GNAI3: variants seen among roughly 807,000 people sequenced by gnomAD.
GNAI3 encodes the protein guanine nucleotide-binding protein G(i) subunit alpha-3.
A neutral mutation model predicts 41.8 loss-of-function variants in GNAI3; 12 were observed. That is an observed-to-expected ratio of 0.29 (90% confidence interval 0.18 to 0.47). GNAI3 has a LOEUF of 0.47. Among genes scored for constraint, GNAI3 ranks in the 20% least tolerant of loss-of-function variants. The pLI is 1.00. For synonymous variants in GNAI3, 132 were observed against 146.5 expected (o/e 0.90, Z 0.71); for missense variants, 360 against 429.6 (o/e 0.84, Z 1.43).
intron 3 of GNAI3, among the ~76,000 whole-genome samples, chr1:109,575,760 G>T (rs1648724818): frequency 6.6e-6 from 1 of 151,896 alleles, no homozygotes; most frequent in African/African-American, 2.4e-5. Flanking sequence ...TCGAACTCCT[G>T]ACCTTGTGAT....
At chr1:109,566,345 C>G (rs902734628) in intron 1 of GNAI3, among the ~76,000 whole-genome samples, 1 of 152,132 alleles carries the variant, frequency 6.6e-6, no homozygotes, top group African/African-American at 2.4e-5. Flanking sequence ...CTTCTCCCAC[C>G]AGACCGTAAA....
At chr1:109,556,096 G>A (rs1051343640) in intron 1 of GNAI3, among the ~76,000 whole-genome samples, 1 of 151,308 alleles carries the variant, frequency 6.6e-6, no homozygotes, top group African/African-American at 2.4e-5. Flanking sequence ...GAGTGCAGTG[G>A]TGCAATCTCA....
At position 109,574,029 on chromosome 1, in the gene GNAI3, G is replaced by A. The variant is rs760730490; in HGVS notation, c.295G>A (p.Ala99Thr). ...GRLKIDFGEAARADDARQLFV... is the reference protein window; with the variant it reads ...GRLKIDFGEATRADDARQLFV... ...GCTAAAGATTGACTTTGGGGAAGCT[G>A]CCAGGGCAGTAAGTGTTTCTCATTT... The change falls in exon 3 of 9, where the codon GCC becomes ACC. Residue 99 changes from alanine to threonine, a missense_variant. Physicochemically the swap from Ala to Thr is moderately conservative, Grantham distance 58 (BLOSUM62 0). Transcript: ENST00000369851. 11 of 1,608,516 alleles carry A rather than the reference G, an allele frequency of 6.8e-6. No homozygotes were observed. Among genetic ancestry groups the A allele is most frequent in the Non-Finnish European group, 7.6e-6 (9 of 1,177,712 alleles).
chr1:109,549,281 A>G (rs1647916464), intron 1 of GNAI3, among the ~76,000 whole-genome samples: 2 of 151,784 alleles, frequency 1.3e-5, no homozygotes, highest in South Asian at 2.1e-4. Flanking sequence ...GGATAAAGCT[A>G]GCAGGCTTGA....
chr1:109,573,761 C>T lies in GNAI3; in HGVS notation c.143C>T (p.Thr48Ile), dbSNP rs1648666311. Reference sequence around the variant, plus strand: ...GGTGCTGGAGAATCTGGTAAAAGCACCATTGTGAAACAGATGAAGTAAGTT... The same window carrying T: ...GGTGCTGGAGAATCTGGTAAAAGCATCATTGTGAAACAGATGAAGTAAGTT... ...LLGAGESGKSTIVKQMKIIHE... is the reference protein window; with the variant it reads ...LLGAGESGKSIIVKQMKIIHE... Residue 48 changes from threonine to isoleucine, a missense_variant, in exon 2 of 9, where the codon ACC becomes ATC. Coordinates refer to ENST00000369851, the MANE Select transcript of GNAI3 (RefSeq NM_006496.4). The T allele has an allele frequency of 1.2e-6, 2 of 1,612,172 alleles. No homozygotes were observed. The highest frequency in any genetic ancestry group is 1.7e-6 in the Non-Finnish European group (2 of 1,178,396).
At chr1:109,572,981 C>T (rs1470248344) in intron 1 of GNAI3, among the ~76,000 whole-genome samples, 1 of 152,022 alleles carries the variant, frequency 6.6e-6, no homozygotes, top group African/African-American at 2.4e-5. Context: ...GTAGTTTTTT[C>T]TGATTGCTTT....
At chr1:109,581,769 A>G (rs1054800954) in intron 4 of GNAI3, among the ~76,000 whole-genome samples, 24 of 151,900 alleles carry the variant, frequency 1.6e-4, no homozygotes, top group Admixed American at 1.6e-3. Context: ...GGCACCTGTA[A>G]TCCCAGCTGT....
intron 1 of GNAI3, among the ~76,000 whole-genome samples, chr1:109,549,041 A>G (rs1256981934): frequency 1.3e-5 from 2 of 152,108 alleles, no homozygotes; most frequent in African/African-American, 4.8e-5. Flanking sequence ...TGCGGGAATT[A>G]GGCTGTAGAG....
At chr1:109,570,330 A>T (rs141428454) in intron 1 of GNAI3, among the ~76,000 whole-genome samples, 1 of 152,354 alleles carries the variant, frequency 6.6e-6, no homozygotes, top group Admixed American at 6.5e-5. Context: ...TTTAGTAAAG[A>T]ATCATGGTTA....
intron 7 of GNAI3, among the ~76,000 whole-genome samples, 189 bp from the exon 8 acceptor site, chr1:109,591,854 G>A (rs1649180364): frequency 6.6e-6 from 1 of 152,044 alleles, no homozygotes; most frequent in Non-Finnish European, 1.5e-5. Context: ...ATTTTATTTT[G>A]TTACCATGAG....
At chr1:109,590,159 T>C (rs1649133207) in intron 7 of GNAI3, among the ~76,000 whole-genome samples, 1 of 152,148 alleles carries the variant, frequency 6.6e-6, no homozygotes, top group Non-Finnish European at 1.5e-5. Flanking sequence ...GTTGGAAATG[T>C]GGTTACCTGT....
rs146198123 is a variant in GNAI3 at position 109,586,127 on chromosome 1, T to C, written c.591-89T>C. 14 of 1,067,778 alleles carry C rather than the reference T, an allele frequency of 1.3e-5. No individual in the cohort carries two copies. The African/African-American group carries it at 1.8e-4, about 14-fold the overall frequency. The allele number at this position is 1,067,778 out of a possible 1,614,324, so 66.1% of individuals were successfully genotyped here. A position where few individuals can be genotyped will look rare whatever the true frequency, so the allele number is the denominator to read the frequency against. ...TCTATTATAAATGAAGTTTTGAATA[T>C]GTAATAGTGGGAAGTTTCCTAATCA... On this transcript the variant is annotated intron_variant, in intron 5 of 8. Coordinates refer to ENST00000369851, the MANE Select transcript of GNAI3 (RefSeq NM_006496.4).
intron 1 of GNAI3, among the ~76,000 whole-genome samples, chr1:109,572,866 G>A (rs1648645048): frequency 1.3e-5 from 2 of 152,174 alleles, no homozygotes; most frequent in Admixed American, 6.5e-5. Flanking sequence ...TGCATAAGGG[G>A]AGAAGTTGAT....
chr1:109,557,125 G>A (rs535088068), intron 1 of GNAI3, among the ~76,000 whole-genome samples: 1 of 152,162 alleles, frequency 6.6e-6, no homozygotes, highest in East Asian at 1.9e-4. Context: ...TAGTAGAGAC[G>A]GGGTTTCACC....
At chr1:109,588,997 G>A (rs1313215703) in intron 7 of GNAI3, among the ~76,000 whole-genome samples, 1 of 152,196 alleles carries the variant, frequency 6.6e-6, no homozygotes. Context: ...TGCTGGTGCT[G>A]TGACCTGAAT....
intron 1 of GNAI3, among the ~76,000 whole-genome samples, chr1:109,559,168 C>T (rs1008863846): frequency 2.0e-5 from 3 of 150,424 alleles, no homozygotes; most frequent in African/African-American, 4.9e-5. Flanking sequence ...GGTGACAGAG[C>T]GAGACTCTGT....
rs1375698703 is a variant in GNAI3 at position 109,592,466 on chromosome 1, T to G, written c.*144T>G. The G allele has an allele frequency of 2.8e-6, 1 of 359,670 alleles. No individual in the cohort carries two copies. Among genetic ancestry groups the G allele is most frequent in the African/African-American group, 2.0e-5 (1 of 48,968 alleles). The allele number at this position is 359,670 out of a possible 1,614,324, so 22.3% of individuals were successfully genotyped here. A position where few individuals can be genotyped will look rare whatever the true frequency, so the allele number is the denominator to read the frequency against. On this transcript the variant is annotated 3_prime_UTR_variant, in exon 9 of 9. Coordinates refer to ENST00000369851, the MANE Select transcript of GNAI3 (RefSeq NM_006496.4). ...AATCTTAGCACTCTTTAGCACAATA[T>G]TTTGTATTAGGGAACTTTTAATTGA...
At chr1:109,577,120 A>G (rs765991325) in intron 3 of GNAI3, among the ~76,000 whole-genome samples, 1 of 151,788 alleles carries the variant, frequency 6.6e-6, no homozygotes, top group East Asian at 1.9e-4. Flanking sequence ...CACATGTTAG[A>G]TAAAGCACCA....
At chr1:109,580,146 C>CCCACCACCAT (rs1648852828) in intron 4 of GNAI3, among the ~76,000 whole-genome samples, 1 of 152,130 alleles carries the variant, frequency 6.6e-6, no homozygotes, top group African/African-American at 2.4e-5. Flanking sequence ...GGACTACAGG[C>CCCACCACCAT]GCCCGCCACC....
Sources: allele counts gnomAD v4.1 joint callset (sites outside exome capture counted in the v4.1 genomes callset), GRCh38; gene constraint gnomAD v4.1.1; transcripts MANE v1.5; gene names NCBI Gene and HGNC (gene_info 2026-07-23, HGNC 2026-07-21).